Variants in ROBO1 observed in about 807,000 individuals in gnomAD.
The protein encoded by ROBO1 is roundabout guidance receptor 1.
In ROBO1, 149 loss-of-function variants were observed where a neutral mutation model predicts 195.9. The ratio of observed to expected loss-of-function variants is 0.76; its 90% CI spans 0.67 to 0.87. ROBO1 has a LOEUF of 0.87. Among genes scored for constraint, ROBO1 ranks in the 40% least tolerant of loss-of-function variants. The probability of loss-of-function intolerance (pLI) is 0.00; values close to 1 mark genes in which losing one functional copy is unlikely to be tolerated. For missense variants in ROBO1, 1,933 were observed against 2,068.3 expected, an observed-to-expected ratio of 0.93 and a Z score of 1.27; for synonymous variants, 816 against 733.2, an observed-to-expected ratio of 1.11 and a Z score of -1.82.
intron 2 of ROBO1, among the ~76,000 whole-genome samples, chr3:79,507,056 C>T (rs1178176067): frequency 6.6e-6 from 1 of 152,140 alleles, no homozygotes; most frequent in Non-Finnish European, 1.5e-5. Context: ...TAATAGAGCT[C>T]CTCTTGAGCC....
intron 3 of ROBO1, among the ~76,000 whole-genome samples, chr3:79,080,811 G>A (rs2079259054): frequency 6.6e-6 from 1 of 152,012 alleles, no homozygotes. Context: ...GTTGGATAGA[G>A]TAATTAAGAA....
At chr3:79,464,298 T>C (rs563471649) in intron 2 of ROBO1, among the ~76,000 whole-genome samples, 2 of 152,350 alleles carry the variant, frequency 1.3e-5, no homozygotes, top group South Asian at 4.1e-4. Flanking sequence ...GGAGTGGAAT[T>C]ACTGGGTCAC....
chr3:79,635,792 G>T (rs550715345), intron 1 of ROBO1, among the ~76,000 whole-genome samples: 2 of 152,034 alleles, frequency 1.3e-5, no homozygotes, highest in African/African-American at 4.8e-5. Context: ...AGATGGAATG[G>T]GGATATTTTT....
intron 8 of ROBO1, among the ~76,000 whole-genome samples, chr3:78,709,251 T>C (rs1485720057): frequency 6.6e-6 from 1 of 152,198 alleles, no homozygotes; most frequent in Non-Finnish European, 1.5e-5. Context: ...CACTATTTTG[T>C]ATTGGTCATA....
At position 79,457,018 on chromosome 3, in the gene ROBO1, C is replaced by T. The variant is rs78222971; in HGVS notation, c.88+132806G>A. On this transcript the variant is annotated intron_variant, in intron 2 of 30. Coordinates refer to ENST00000464233, the MANE Select transcript of ROBO1 (RefSeq NM_002941.4). ...ATAACAGCTTAAAATATTTGTACTC[C>T]GAAGACTTTAACTCCAAGTAATTTA... 5.1e-3 allele frequency among the ~76,000 whole-genome samples: 778 copies of T among 152,202 alleles called. 6 individuals carry two copies. Among genetic ancestry groups the T allele is most frequent in the Non-Finnish European group, 9.9e-3 (672 of 68,008 alleles).
At chr3:79,230,263 T>A (rs1200227406) in intron 2 of ROBO1, among the ~76,000 whole-genome samples, 1 of 152,184 alleles carries the variant, frequency 6.6e-6, no homozygotes, top group East Asian at 1.9e-4. Flanking sequence ...TTTTACTGAA[T>A]TCTTATAGCA....
At chr3:79,013,927 C>T (rs143716092) in intron 3 of ROBO1, among the ~76,000 whole-genome samples, 9 of 152,182 alleles carry the variant, frequency 5.9e-5, no homozygotes, top group Admixed American at 2.0e-4. Flanking sequence ...CTTTACTGGT[C>T]TCCTTTAAGC....
chr3:79,571,205 G>A (rs1372293968), intron 2 of ROBO1, among the ~76,000 whole-genome samples: 1 of 152,040 alleles, frequency 6.6e-6, no homozygotes, highest in Non-Finnish European at 1.5e-5. Flanking sequence ...ACTTGTAAAC[G>A]AGTGACCTTC....
chr3:78,766,696 C>T lies in ROBO1; in HGVS notation c.500-19796G>A, dbSNP rs541276057. Among the ~76,000 whole-genome samples, 6 of 152,214 alleles carry T rather than the reference C, an allele frequency of 3.9e-5. No homozygotes were observed. The South Asian group carries it at 6.2e-4, about 16-fold the overall frequency. ...AGAGTGGGCATCCTTGTCTTGTTCC[C>T]GTTCTCATAGCGAATACTTTCAGCT... On this transcript the variant is annotated intron_variant, in intron 4 of 30. Transcript: ENST00000464233.
intron 4 of ROBO1, among the ~76,000 whole-genome samples, chr3:78,843,230 A>G (rs1045599077): frequency 6.6e-6 from 1 of 152,092 alleles, no homozygotes; most frequent in Non-Finnish European, 1.5e-5. Flanking sequence ...ATATTAAACT[A>G]TGTGAATGTT....
chr3:79,428,117 T>C (rs2038524397), intron 2 of ROBO1, among the ~76,000 whole-genome samples: 1 of 151,990 alleles, frequency 6.6e-6, no homozygotes, highest in Admixed American at 6.6e-5. Flanking sequence ...AAGCATCTAA[T>C]AATCTGATTA....
At chr3:79,605,712 C>T (rs951185273) in intron 1 of ROBO1, among the ~76,000 whole-genome samples, 4 of 151,932 alleles carry the variant, frequency 2.6e-5, no homozygotes, top group African/African-American at 9.7e-5. Context: ...TCCAAACTGT[C>T]ACTAAGTCCC....
At chr3:79,270,360 G>C (rs1338171300) in intron 2 of ROBO1, among the ~76,000 whole-genome samples, 1 of 151,500 alleles carries the variant, frequency 6.6e-6, no homozygotes, top group East Asian at 1.9e-4. Context: ...TAATAACAAT[G>C]TTATTTTCCA....
intron 3 of ROBO1, among the ~76,000 whole-genome samples, chr3:79,091,558 C>A (rs766711882): frequency 2.4e-5 from 3 of 124,298 alleles, no homozygotes; most frequent in Non-Finnish European, 5.0e-5. Context: ...AAAATTCCTA[C>A]TTTTATGATG....
At chr3:79,183,464 T>C (rs1236067135) in intron 2 of ROBO1, among the ~76,000 whole-genome samples, 3 of 152,224 alleles carry the variant, frequency 2.0e-5, no homozygotes, top group Admixed American at 2.0e-4. Flanking sequence ...TCTTGAGGAA[T>C]GGAAAATGTA....
At chr3:79,725,761 T>C (rs992511055) in intron 1 of ROBO1, among the ~76,000 whole-genome samples, 2 of 152,216 alleles carry the variant, frequency 1.3e-5, no homozygotes, top group Non-Finnish European at 2.9e-5. Context: ...GCTAAAAGCA[T>C]CTTTACTGAT....
chr3:79,241,303 G>A (rs2082512587), intron 2 of ROBO1, among the ~76,000 whole-genome samples: 1 of 152,130 alleles, frequency 6.6e-6, no homozygotes, highest in Non-Finnish European at 1.5e-5. Flanking sequence ...TTCCAAGGAA[G>A]ACAATGATTT....
chr3:79,090,273 G>A (rs190792112), intron 3 of ROBO1, among the ~76,000 whole-genome samples: 31 of 152,052 alleles, frequency 2.0e-4, no homozygotes, highest in South Asian at 4.1e-4. Flanking sequence ...TTGTTTTTAC[G>A]TGGAAAGGCA....
chr3:79,401,332 A>T (rs2037357993), intron 2 of ROBO1, among the ~76,000 whole-genome samples: 1 of 151,876 alleles, frequency 6.6e-6, no homozygotes, highest in Admixed American at 6.6e-5. Context: ...GTTAGCTAAA[A>T]TTTAAAGGCC....
Sources: allele counts gnomAD v4.1 joint callset (sites outside exome capture counted in the v4.1 genomes callset), GRCh38; gene constraint gnomAD v4.1.1; transcripts MANE v1.5; gene names NCBI Gene and HGNC (gene_info 2026-07-23, HGNC 2026-07-21).